The following APBA2 variants were observed in gnomAD, a reference collection of about 807,000 sequenced individuals.
APBA2 encodes the protein amyloid beta precursor protein binding family A member 2, also known as amyloid-beta A4 precursor protein-binding family A member 2.
APBA2 carries 30 observed loss-of-function variants against 75.0 expected under a neutral mutation model. That is an observed-to-expected ratio of 0.40 (90% CI 0.30 to 0.54). APBA2 has a LOEUF of 0.54. Among genes scored for constraint, APBA2 ranks in the 20% least tolerant of loss-of-function variants. APBA2 has a pLI of 0.49. For synonymous variants in APBA2, 444 were observed against 409.6 expected, an observed-to-expected ratio of 1.08 and a Z score of -1.01; for missense variants, 801 against 1,016.1, an observed-to-expected ratio of 0.79 and a Z score of 2.88.
intron 10 of APBA2, chr15:29,102,545 C>CAG (rs1448638302): frequency 6.6e-6 from 1 of 152,604 alleles, no homozygotes; most frequent in Non-Finnish European, 1.5e-5. Flanking sequence ...CACCTGAGGT[C>CAG]AGGAGTTCAA....
chr15:28,973,689 A>G (rs2037189514), intron 2 of APBA2, among the ~76,000 whole-genome samples: 1 of 152,226 alleles, frequency 6.6e-6, no homozygotes, highest in African/African-American at 2.4e-5. Context: ...GGTAGGGATA[A>G]GTATGGAGGA....
chr15:29,025,965 A>G (rs2040202554), intron 3 of APBA2, among the ~76,000 whole-genome samples: 1 of 139,662 alleles, frequency 7.2e-6, no homozygotes, highest in South Asian at 2.1e-4. Flanking sequence ...AAAAAAAAAA[A>G]GAAAAGAAAT....
At position 29,097,073 on chromosome 15, in the gene APBA2, C is replaced by T. The variant is rs139051223; in HGVS notation, c.1252-1417C>T. On this transcript the variant is annotated intron_variant, in intron 8 of 14. Coordinates refer to ENST00000683413, the MANE Select transcript of APBA2 (RefSeq NM_001353788.2). ...GGCACCTCTCTTGGCTTCTCTCTGT[C>T]GCTGTGAGGACAGCACTTAGGCCAG... is the stretch of plus-strand genomic sequence containing the variant. Among the ~76,000 whole-genome samples the T allele has an allele frequency of 6.2e-3, 946 of 152,362 alleles. 9 individuals carry two copies. The highest frequency in any genetic ancestry group is 0.021 in the African/African-American group (885 of 41,586).
At chr15:28,903,674 C>T (rs2032988487) in intron 1 of APBA2, among the ~76,000 whole-genome samples, 2 of 152,168 alleles carry the variant, frequency 1.3e-5, no homozygotes, top group Admixed American at 1.3e-4. Context: ...CTTCCTGGGA[C>T]CCCACTGCCT....
chr15:29,078,102 C>G (rs1447883419), intron 6 of APBA2, among the ~76,000 whole-genome samples: 3 of 145,324 alleles, frequency 2.1e-5, no homozygotes, highest in Non-Finnish European at 4.5e-5. Context: ...CAAGACCATC[C>G]TGGCCAACAT....
chr15:29,088,359 G>C (rs939407560), intron 6 of APBA2, among the ~76,000 whole-genome samples: 1 of 152,154 alleles, frequency 6.6e-6, no homozygotes, highest in South Asian at 2.1e-4. Flanking sequence ...TTCTAACCGG[G>C]ACTCCCGAGT....
Position 28,918,862 on chromosome 15 carries a change from TA to T in APBA2, c.-204-2777del, listed in dbSNP as rs942858135. 5.9e-5 allele frequency among the ~76,000 whole-genome samples: 9 copies of T among 151,778 alleles called. 1 individual carries two copies. The South Asian group carries it at 1.7e-3, about 28-fold the overall frequency. On this transcript the variant is annotated intron_variant, in intron 1 of 14. Coordinates refer to ENST00000683413, the MANE Select transcript of APBA2 (RefSeq NM_001353788.2). The surrounding 1 kb of genome is among the most constrained non-coding windows in gnomAD (Gnocchi z 4.2). Reference sequence around the variant, plus strand: ...CTTGCCAGTTAATTGTGGGGATTATTATTTTTTTTTTTTTGTAGACGGAGTC... The same window carrying T: ...CTTGCCAGTTAATTGTGGGGATTATTTTTTTTTTTTTTTGTAGACGGAGTC...
intron 2 of APBA2, among the ~76,000 whole-genome samples, chr15:28,988,484 G>A (rs544711529): frequency 3.4e-4 from 52 of 152,198 alleles, no homozygotes; most frequent in African/African-American, 1.2e-3. Context: ...GGCTGGTCTC[G>A]AACTCCTGGC....
chr15:29,011,543 TC>T (rs745364901), intron 3 of APBA2, among the ~76,000 whole-genome samples: 24 of 152,348 alleles, frequency 1.6e-4, no homozygotes, highest in Admixed American at 1.0e-3. Context: ...TTTAGACTTG[TC>T]CACCATATGA....
Position 28,886,176 on chromosome 15 carries a change from T to TGCG in APBA2, c.-304_-302dup, listed in dbSNP as rs1020460056. The TGCG allele has an allele frequency of 6.0e-5, 9 of 150,660 alleles. No homozygotes were observed. Among genetic ancestry groups the TGCG allele is most frequent in the African/African-American group, 2.2e-4 (9 of 41,238 alleles). 9.3% of individuals were successfully genotyped at this position (150,660 alleles called of 1,614,324 possible). Reference sequence around the variant, plus strand: ...CCCGGGCTCATTAGCAGTCGCGGTGTGCGGCTCGGCGCGGGCTCACAAAGA... The same window carrying TGCG: ...CCCGGGCTCATTAGCAGTCGCGGTGTGCGGCGGCTCGGCGCGGGCTCACAAAGA... On this transcript the variant is annotated 5_prime_UTR_variant, in exon 1 of 15. Transcript: ENST00000683413.
chr15:28,911,507 T>C (rs2033427200), intron 1 of APBA2, among the ~76,000 whole-genome samples: 1 of 152,184 alleles, frequency 6.6e-6, no homozygotes, highest in Non-Finnish European at 1.5e-5. Context: ...TCAGGGGTTG[T>C]GGAGGGAATT....
chr15:29,036,980 A>C (rs2040783054), intron 3 of APBA2, among the ~76,000 whole-genome samples: 1 of 152,070 alleles, frequency 6.6e-6, no homozygotes, highest in African/African-American at 2.4e-5. Context: ...AGATCACACC[A>C]GTCCACTCCA....
At chr15:28,970,592 T>C (rs1327348816) in intron 2 of APBA2, 4 of 151,280 alleles carry the variant, frequency 2.6e-5, no homozygotes, top group Admixed American at 6.6e-5. Context: ...GAAACATACT[T>C]TACTTTTTCT....
intron 3 of APBA2, among the ~76,000 whole-genome samples, chr15:29,033,495 A>G (rs2040587005): frequency 6.6e-6 from 1 of 152,066 alleles, no homozygotes; most frequent in Non-Finnish European, 1.5e-5. Context: ...ACCAGCCCCA[A>G]ATTCAGGGGT....
At chr15:28,942,877 A>G (rs1336450433) in intron 2 of APBA2, among the ~76,000 whole-genome samples, 1 of 152,104 alleles carries the variant, frequency 6.6e-6, no homozygotes, top group Non-Finnish European at 1.5e-5. Context: ...GTTGTCCCCG[A>G]GGCCCGTGGC....
chr15:29,098,257 C>T (rs1253252816), intron 8 of APBA2, among the ~76,000 whole-genome samples: 3 of 152,198 alleles, frequency 2.0e-5, no homozygotes, highest in East Asian at 3.9e-4. Flanking sequence ...CACTGATTCA[C>T]ACCCTCCCAC....
intron 4 of APBA2, among the ~76,000 whole-genome samples, chr15:29,071,412 C>T (rs894838929): frequency 9.9e-5 from 15 of 151,670 alleles, no homozygotes; most frequent in African/African-American, 3.2e-4. Context: ...CTGTGCCTGC[C>T]GCCTTCTCCG....
In APBA2 at chr15:29,095,530, C is replaced by A. The variant is rs558983808; in HGVS notation, c.1251+1217C>A. The stretch of plus-strand genomic sequence containing the variant: ...CCAATCCTCCTCATACAGAAAATAT[C>A]AAAATAGTTGGTGTCACAAGGCCTG... On this transcript the variant is annotated intron_variant, in intron 8 of 14. Coordinates refer to ENST00000683413, the MANE Select transcript of APBA2 (RefSeq NM_001353788.2). Among the ~76,000 whole-genome samples, 5 of 152,344 alleles carry A rather than the reference C, an allele frequency of 3.3e-5. No homozygotes were observed. The East Asian group carries it at 9.7e-4, about 29-fold the overall frequency.
chr15:28,919,083 A>G (rs933090920), intron 1 of APBA2, among the ~76,000 whole-genome samples: 5 of 152,142 alleles, frequency 3.3e-5, no homozygotes, highest in African/African-American at 9.7e-5. Context: ...GATGGTCTCA[A>G]TCTCCTGACC....
Sources: gnomAD v4.1 joint callset for allele counts (sites outside exome capture counted in the v4.1 genomes callset) on GRCh38, gnomAD v4.1.1 for gene constraint, Gnocchi (gnomAD v3.1) non-coding constraint, MANE v1.5 for transcripts, NCBI Gene and HGNC (gene_info 2026-07-23, HGNC 2026-07-21) for gene names.